The following SPATA13 variants were observed in gnomAD, a reference collection of about 807,000 sequenced individuals.
SPATA13 encodes the protein spermatogenesis associated 13, also known as spermatogenesis-associated protein 13.
SPATA13 carries 50 observed loss-of-function variants against 104.0 expected under a neutral mutation model. The observed-to-expected ratio is 0.48, with a 90% CI of 0.38 to 0.61. SPATA13 has a LOEUF of 0.61. SPATA13 is among the 20% of genes least tolerant of loss of function. The pLI, the probability that SPATA13 is intolerant of heterozygous loss-of-function variation, is 0.00. For missense variants in SPATA13, 1,524 were observed against 1,690.6 expected (o/e 0.90, Z 1.73); for synonymous variants, 606 against 667.5 (o/e 0.91, Z 1.42).
chr13:24,284,307 A>T lies in SPATA13; in HGVS notation c.2301+36A>T. 3 of 1,587,968 alleles carry T rather than the reference A, an allele frequency of 1.9e-6. No homozygotes were observed. In the South Asian group the frequency reaches 3.4e-5, roughly 18 times the overall value. On this transcript the variant is annotated intron_variant, in intron 5 of 12. Coordinates refer to ENST00000382108, the MANE Select transcript of SPATA13 (RefSeq NM_001166271.3). ...TCCACACGACAGTAGTGGATACGGG[A>T]TACCTGATTTTCAGGGTCCACAACC...
At chr13:23,991,755 G>A (rs1875426869) in intron 2 of SPATA13, among the ~76,000 whole-genome samples, 1 of 152,128 alleles carries the variant, frequency 6.6e-6, no homozygotes, top group East Asian at 1.9e-4. Context: ...ACCTTCATTT[G>A]TAGACAATCA....
At chr13:24,035,111 G>A (rs962500830) in intron 3 of SPATA13, 2 of 152,134 alleles carry the variant, frequency 1.3e-5, no homozygotes, top group African/African-American at 4.8e-5. Flanking sequence ...AAAAGTCTAA[G>A]AAATTAACAT....
chr13:24,125,206 T>C (rs1881170062), intron 3 of SPATA13, among the ~76,000 whole-genome samples: 1 of 152,232 alleles, frequency 6.6e-6, no homozygotes, highest in Non-Finnish European at 1.5e-5. Context: ...GAATCGGTGC[T>C]TAGTGGCTCA....
At chr13:24,202,696 C>A (rs1016723901) in intron 1 of SPATA13, among the ~76,000 whole-genome samples, 1 of 150,420 alleles carries the variant, frequency 6.6e-6, no homozygotes, top group Admixed American at 6.6e-5. Context: ...AGAGTGAGAA[C>A]TGTCTTATTA....
intron 2 of SPATA13, among the ~76,000 whole-genome samples, chr13:24,229,432 G>C (rs1338625985): frequency 6.6e-6 from 1 of 152,122 alleles, no homozygotes; most frequent in Non-Finnish European, 1.5e-5. Context: ...GTCTTCTCAA[G>C]GGTAGGATAT....
chr13:24,048,370 A>C (rs1026907016), intron 3 of SPATA13, among the ~76,000 whole-genome samples: 3 of 152,026 alleles, frequency 2.0e-5, no homozygotes, highest in Non-Finnish European at 4.4e-5. Context: ...TATAAAGCAA[A>C]AGCTAATAAA....
At chr13:24,246,582 G>A (rs777789244) in intron 2 of SPATA13, among the ~76,000 whole-genome samples, 26 of 152,164 alleles carry the variant, frequency 1.7e-4, no homozygotes, top group South Asian at 4.1e-4. Context: ...GACTCAGGCC[G>A]GGTGTGGTGG....
chr13:24,078,737 T>C (rs142952545), intron 3 of SPATA13, among the ~76,000 whole-genome samples: 20 of 152,208 alleles, frequency 1.3e-4, no homozygotes, highest in African/African-American at 4.6e-4. Flanking sequence ...AGCCCATCAG[T>C]GTACATTCAC....
intron 3 of SPATA13, among the ~76,000 whole-genome samples, chr13:24,109,404 T>A (rs765578063): frequency 6.6e-6 from 1 of 152,202 alleles, no homozygotes; most frequent in Admixed American, 6.5e-5. Flanking sequence ...TGGTGAATAG[T>A]GCTGCAATAA....
chr13:24,166,077 A>ATGTGGGATTTATGT (rs1882720593), intron 1 of SPATA13, among the ~76,000 whole-genome samples: 1 of 152,210 alleles, frequency 6.6e-6, no homozygotes, highest in Non-Finnish European at 1.5e-5. Flanking sequence ...TGGCCTATTT[A>ATGTGGGATTTATGT]GGGATTTATG....
intron 3 of SPATA13, among the ~76,000 whole-genome samples, chr13:24,042,953 C>T (rs1174251874): frequency 6.6e-6 from 1 of 152,214 alleles, no homozygotes; most frequent in East Asian, 1.9e-4. Flanking sequence ...AAAATACCTC[C>T]GTAAATATAT....
intron 2 of SPATA13, among the ~76,000 whole-genome samples, chr13:24,240,927 A>G (rs1037736541): frequency 2.6e-5 from 4 of 152,222 alleles, no homozygotes; most frequent in African/African-American, 9.6e-5. Flanking sequence ...ACAAATGACC[A>G]AACTGCTTCC....
At chr13:24,196,215 T>C (rs1870047975) in intron 1 of SPATA13, among the ~76,000 whole-genome samples, 2 of 152,134 alleles carry the variant, frequency 1.3e-5, no homozygotes, top group African/African-American at 4.8e-5. Context: ...TGTGGAGTTT[T>C]CAAGTAAAGC....
intron 1 of SPATA13, among the ~76,000 whole-genome samples, chr13:24,201,526 C>T (rs1473229327): frequency 1.3e-5 from 2 of 152,082 alleles, no homozygotes; most frequent in African/African-American, 2.4e-5. Context: ...CTGCAACCTC[C>T]GCCTCCCAGG....
intron 2 of SPATA13, among the ~76,000 whole-genome samples, chr13:24,016,645 G>A (rs770157158): frequency 2.6e-5 from 4 of 152,168 alleles, no homozygotes; most frequent in Admixed American, 6.5e-5. Context: ...GTACCTCCCC[G>A]CTCCCTCTCC....
intron 4 of SPATA13, among the ~76,000 whole-genome samples, chr13:24,268,346 G>A (rs1254064172): frequency 1.3e-5 from 2 of 152,152 alleles, no homozygotes; most frequent in East Asian, 1.9e-4. Context: ...AAACAGTATC[G>A]AGGAGTCTTT....
At chr13:24,159,554 T>A (rs1882381889), upstream of SPATA13, among the ~76,000 whole-genome samples, 1 of 152,182 alleles carries the variant, frequency 6.6e-6, no homozygotes, top group South Asian at 2.1e-4. Context: ...GAGTGGCACA[T>A]GTGTTATGAT....
chr13:24,140,524 C>T (rs1566118747), intron 3 of SPATA13, among the ~76,000 whole-genome samples: 1 of 152,206 alleles, frequency 6.6e-6, no homozygotes, highest in Non-Finnish European at 1.5e-5. Flanking sequence ...CGTGCAGAAG[C>T]AGAGCTGTTT....
intron 3 of SPATA13, among the ~76,000 whole-genome samples, chr13:24,149,628 C>T (rs958258590): frequency 6.6e-6 from 1 of 152,204 alleles, no homozygotes; most frequent in African/African-American, 2.4e-5. Context: ...TGGTGTAGTG[C>T]AGCGTCCTGA....
Sources: gnomAD v4.1 joint callset for allele counts (sites outside exome capture counted in the v4.1 genomes callset) on GRCh38, gnomAD v4.1.1 for gene constraint, MANE v1.5 for transcripts, NCBI Gene and HGNC (gene_info 2026-07-23, HGNC 2026-07-21) for gene names.